Variants in KIAA1549L observed in about 807,000 individuals in gnomAD.
KIAA1549L encodes the protein UPF0606 protein KIAA1549L.
KIAA1549L carries 88 observed loss-of-function variants against 160.7 expected under a neutral mutation model. The ratio of observed to expected loss-of-function variants is 0.55; its 90% CI spans 0.46 to 0.65. The LOEUF (loss-of-function observed/expected upper bound fraction) is 0.65, where lower values mean the gene tolerates loss of function less well. Among genes scored for constraint, KIAA1549L ranks in the 30% least tolerant of loss-of-function variants. The probability of loss-of-function intolerance (pLI) is 0.00; values close to 1 mark genes in which losing one functional copy is unlikely to be tolerated. For missense variants in KIAA1549L, 2,258 were observed against 2,437.5 expected (o/e 0.93, Z 1.55); for synonymous variants, 950 against 976.7 (o/e 0.97, Z 0.51).
Position 33,544,120 on chromosome 11 carries a change from T to C in KIAA1549L, c.2557T>C (p.Ser853Pro). Residue 853 changes from serine to proline, a missense_variant, in exon 2 of 21, where the codon TCT becomes CCT. Physicochemically the swap from Ser to Pro is moderately conservative, Grantham distance 74. Transcript: ENST00000658780. ...TTTGCTAACCTCACCAGGACCAACT[T>C]CTACAGGTAGCTTGCAGGAAATGCT... ...PLLLTSPGPT[S>P]TGSLQEMLSD... 1 of 1,613,942 alleles carries C rather than the reference T, an allele frequency of 6.2e-7. No individual in the cohort carries two copies. The highest frequency in any genetic ancestry group is 8.5e-7 in the Non-Finnish European group (1 of 1,179,878).
At chr11:33,459,623 G>A (rs995295570) in intron 1 of KIAA1549L, among the ~76,000 whole-genome samples, 12 of 152,092 alleles carry the variant, frequency 7.9e-5, no homozygotes, top group African/African-American at 2.4e-4. Flanking sequence ...CATGGCCTCC[G>A]TCTGAACCAT....
At chr11:33,636,611 G>A (rs767072195) in intron 16 of KIAA1549L, among the ~76,000 whole-genome samples, 3 of 152,040 alleles carry the variant, frequency 2.0e-5, no homozygotes, top group Non-Finnish European at 2.9e-5. Flanking sequence ...GATTACGGGC[G>A]TGAACCACCA....
chr11:33,552,253 G>C lies in KIAA1549L; in HGVS notation c.3855+12G>C, dbSNP rs1156248266. ...ACTTGACAATTCAGGTAGGGAGGAA[G>C]GTGCTTCAGGCTGTGTAGTTGACAG... On this transcript the variant is annotated intron_variant, in intron 6 of 20. Transcript: ENST00000658780. 2 of 1,593,414 alleles carry C rather than the reference G, an allele frequency of 1.3e-6. No individual in the cohort carries two copies. The highest frequency in any genetic ancestry group is 1.8e-5 in the Admixed American group (1 of 56,700).
chr11:33,453,333 G>A (rs1209077779), intron 1 of KIAA1549L, among the ~76,000 whole-genome samples: 1 of 152,198 alleles, frequency 6.6e-6, no homozygotes, highest in East Asian at 1.9e-4. Context: ...CTAGGGTAGG[G>A]AATGGAGGGT....
At chr11:33,534,495 G>A (rs377559299) in intron 1 of KIAA1549L, among the ~76,000 whole-genome samples, 1 of 152,084 alleles carries the variant, frequency 6.6e-6, no homozygotes, top group Non-Finnish European at 1.5e-5. Context: ...TTGGGGGAAA[G>A]GAGAGACACT....
intron 17 of KIAA1549L, among the ~76,000 whole-genome samples, chr11:33,651,188 T>C (rs1851873344): frequency 6.6e-6 from 1 of 152,182 alleles, no homozygotes; most frequent in South Asian, 2.1e-4. Context: ...CTTTCGCTTA[T>C]GAAACTCTGA....
At chr11:33,378,558 A>G (rs1850002683) in intron 1 of KIAA1549L, among the ~76,000 whole-genome samples, 1 of 152,112 alleles carries the variant, frequency 6.6e-6, no homozygotes, top group African/African-American at 2.4e-5. Context: ...TTTGATTACA[A>G]TGATGGTAAA....
At chr11:33,448,584 A>G (rs368468534) in intron 1 of KIAA1549L, among the ~76,000 whole-genome samples, 5 of 152,074 alleles carry the variant, frequency 3.3e-5, no homozygotes, top group African/African-American at 7.2e-5. Context: ...TGATTCAGCT[A>G]TTGCTTGTAC....
intron 1 of KIAA1549L, among the ~76,000 whole-genome samples, chr11:33,473,080 A>C (rs1441709422): frequency 1.3e-5 from 2 of 152,172 alleles, no homozygotes; most frequent in African/African-American, 4.8e-5. Context: ...CAAATAAATC[A>C]AATTGTGTCT....
chr11:33,453,034 CTT>C (rs1415262955), intron 1 of KIAA1549L, among the ~76,000 whole-genome samples: 1 of 152,218 alleles, frequency 6.6e-6, no homozygotes, highest in Non-Finnish European at 1.5e-5. Flanking sequence ...CAGACTTAGA[CTT>C]TTAAGATTCT....
At chr11:33,490,467 G>A (rs929575410) in intron 1 of KIAA1549L, among the ~76,000 whole-genome samples, 1 of 152,012 alleles carries the variant, frequency 6.6e-6, no homozygotes, top group African/African-American at 2.4e-5. Flanking sequence ...GGGACCACAG[G>A]TGTGTGCCAC....
chr11:33,621,910 A>G (rs551016996), intron 16 of KIAA1549L, among the ~76,000 whole-genome samples: 1 of 152,340 alleles, frequency 6.6e-6, no homozygotes, highest in East Asian at 1.9e-4. Context: ...AGACTCTGAA[A>G]TTTATTGTTT....
chr11:33,637,482 C>T (rs574278082), intron 16 of KIAA1549L, among the ~76,000 whole-genome samples: 1 of 152,362 alleles, frequency 6.6e-6, no homozygotes, highest in African/African-American at 2.4e-5. Flanking sequence ...CTGCCTTCCT[C>T]TCCAGCCCCA....
chr11:33,652,345 G>A (rs1018687823), intron 17 of KIAA1549L, among the ~76,000 whole-genome samples: 6 of 152,122 alleles, frequency 3.9e-5, no homozygotes, highest in Non-Finnish European at 7.4e-5. Flanking sequence ...CCACGAGCAC[G>A]TGGCACAGGC....
At chr11:33,479,229 C>T (rs1852358842) in intron 1 of KIAA1549L, among the ~76,000 whole-genome samples, 1 of 152,164 alleles carries the variant, frequency 6.6e-6, no homozygotes, top group Non-Finnish European at 1.5e-5. Context: ...TAGGTGCCTT[C>T]AGCTGCACTT....
At chr11:33,486,968 T>C (rs1852541514) in intron 1 of KIAA1549L, among the ~76,000 whole-genome samples, 2 of 152,234 alleles carry the variant, frequency 1.3e-5, no homozygotes, top group Non-Finnish European at 2.9e-5. Context: ...TGAAAGCAAG[T>C]GGCTTTAAGC....
At chr11:33,510,649 G>A (rs1038529983) in intron 1 of KIAA1549L, among the ~76,000 whole-genome samples, 6 of 152,240 alleles carry the variant, frequency 3.9e-5, no homozygotes, top group Non-Finnish European at 7.3e-5. Context: ...TGATGCTGGC[G>A]AGGACGTGGA....
intron 1 of KIAA1549L, among the ~76,000 whole-genome samples, chr11:33,439,158 T>TG (rs1851441479): frequency 6.6e-6 from 1 of 152,186 alleles, no homozygotes; most frequent in Middle Eastern, 3.2e-3. Flanking sequence ...GTGATCCACC[T>TG]GCCTTGGCCT....
intron 9 of KIAA1549L, among the ~76,000 whole-genome samples, chr11:33,573,866 G>T (rs372432760): frequency 6.6e-6 from 1 of 152,244 alleles, no homozygotes; most frequent in East Asian, 1.9e-4. Flanking sequence ...TAAAAAATTA[G>T]TAACAGTCTA....
Sources: gnomAD v4.1 joint callset for allele counts (sites outside exome capture counted in the v4.1 genomes callset) on GRCh38, gnomAD v4.1.1 for gene constraint, MANE v1.5 for transcripts, NCBI Gene and HGNC (gene_info 2026-07-23, HGNC 2026-07-21) for gene names.